PDE10A: variants seen among roughly 807,000 people sequenced by gnomAD.
PDE10A encodes the protein phosphodiesterase 10A.
In PDE10A, 39 loss-of-function variants were observed where a neutral mutation model predicts 97.7. The observed-to-expected ratio is 0.40, with a 90% CI of 0.31 to 0.52. The LOEUF (loss-of-function observed/expected upper bound fraction) is 0.52. PDE10A is among the 20% of genes least tolerant of loss of function. PDE10A has a pLI of 0.56. For synonymous variants in PDE10A, 371 were observed against 376.8 expected (o/e 0.98, Z 0.18); for missense variants, 731 against 1,047.8 (o/e 0.70, Z 4.17).
intron 1 of PDE10A, among the ~76,000 whole-genome samples, chr6:165,702,130 C>T (rs147277482): frequency 1.3e-5 from 2 of 152,324 alleles, no homozygotes; most frequent in African/African-American, 4.8e-5. Flanking sequence ...AAGGGTGGTG[C>T]CACCTCATCG....
At chr6:165,508,061 T>C (rs73786618) in intron 2 of PDE10A, among the ~76,000 whole-genome samples, 5,449 of 152,148 alleles carry the variant, frequency 0.036, 344 homozygotes, top group African/African-American at 0.13. Flanking sequence ...CCATTACTTG[T>C]ATTTTCAAAA....
rs576631540 is a variant in PDE10A, at chr6:165,860,374, C to A, written c.-615+127155G>T. ...AGGCTGAGGCAGGAGAATCGCTGAA[C>A]CCGGGAGGCAGAGGTTGCGGTGAGC... On this transcript the variant is annotated intron_variant, in intron 1 of 19. Coordinates refer to the PDE10A transcript ENST00000366882. 9.3e-4 allele frequency among the ~76,000 whole-genome samples: 141 copies of A among 152,260 alleles called. 1 individual carries two copies. Among genetic ancestry groups the A allele is most frequent in the Middle Eastern group, 6.8e-3 (2 of 294 alleles).
At chr6:165,946,811 G>T (rs1481651644) in intron 1 of PDE10A, 1 of 152,136 alleles carries the variant, frequency 6.6e-6, no homozygotes, top group Non-Finnish European at 1.5e-5. Context: ...AGAAATTAGT[G>T]CAGGAAACAC....
chr6:165,368,999 C>A (rs913318323), intron 18 of PDE10A, among the ~76,000 whole-genome samples: 4 of 152,264 alleles, frequency 2.6e-5, no homozygotes, highest in Admixed American at 6.5e-5. Context: ...CAAACTCCAA[C>A]AGACCTGCAG....
intron 1 of PDE10A, among the ~76,000 whole-genome samples, chr6:165,943,221 A>AGG (rs1583319389): frequency 1.7e-3 from 140 of 81,784 alleles, no homozygotes; most frequent in African/African-American, 3.6e-3. Context: ...GAAAGAAAGA[A>AGG]AGAAAGAAAG....
chr6:165,462,933 C>T (rs1755401798), intron 3 of PDE10A, among the ~76,000 whole-genome samples: 1 of 152,210 alleles, frequency 6.6e-6, no homozygotes, highest in Non-Finnish European at 1.5e-5. Context: ...AAATCTGCTA[C>T]TATAATTGAG....
At chr6:165,517,257 A>G (rs1316706869) in intron 2 of PDE10A, among the ~76,000 whole-genome samples, 1 of 152,204 alleles carries the variant, frequency 6.6e-6, no homozygotes, top group Non-Finnish European at 1.5e-5. Flanking sequence ...TATGAAATAG[A>G]TGACATTTTT....
chr6:165,761,726 A>C (rs1387762381), intron 1 of PDE10A, among the ~76,000 whole-genome samples: 1 of 152,064 alleles, frequency 6.6e-6, no homozygotes. Context: ...TTAAATGAAA[A>C]TTTATTATAT....
rs1783637930 is a variant in PDE10A, at chr6:165,943,315, G to GAA, written c.-615+44212_-615+44213dup. ...AGAAGGAAAGAAAGAAAGAAGGAAG[G>GAA]AAGGAAAGAAAGAAAAAGAAAGAAA... On this transcript the variant is annotated intron_variant, in intron 1 of 19. Coordinates refer to the PDE10A transcript ENST00000366882. 1.2e-3 allele frequency among the ~76,000 whole-genome samples: 106 copies of GAA among 86,798 alleles called. 7 individuals carry two copies. The highest frequency in any genetic ancestry group is 1.5e-3 in the African/African-American group (32 of 20,998). 56.9% of individuals were successfully genotyped at this position (86,798 alleles called of 152,430 possible).
chr6:165,789,652 G>A (rs1778593950), intron 1 of PDE10A, among the ~76,000 whole-genome samples: 1 of 152,318 alleles, frequency 6.6e-6, no homozygotes, highest in African/African-American at 2.4e-5. Context: ...CCAGAAGAAT[G>A]GGTTTTCCCA....
chr6:165,552,432 T>C (rs898981297), intron 1 of PDE10A, among the ~76,000 whole-genome samples: 12 of 152,064 alleles, frequency 7.9e-5, no homozygotes, highest in African/African-American at 2.9e-4. Context: ...CTAGACTGTT[T>C]GTGCATTTGT....
intron 1 of PDE10A, among the ~76,000 whole-genome samples, chr6:165,756,103 A>G (rs1793111775): frequency 6.6e-6 from 1 of 152,200 alleles, no homozygotes; most frequent in Admixed American, 6.5e-5. Flanking sequence ...GGGAAACATC[A>G]AAGATTAATT....
At chr6:165,496,753 C>T (rs1266166849) in intron 2 of PDE10A, among the ~76,000 whole-genome samples, 14 of 152,162 alleles carry the variant, frequency 9.2e-5, no homozygotes, top group Non-Finnish European at 2.9e-5. Context: ...ATTTTGCATA[C>T]AGAACATTTT....
chr6:165,333,140 GA>G lies in PDE10A; in HGVS notation c.3066-14del. The G allele has an allele frequency of 6.8e-7, 1 of 1,460,926 alleles. No homozygotes were observed. Among genetic ancestry groups the G allele is most frequent in the Non-Finnish European group, 9.6e-7 (1 of 1,039,740 alleles). The allele number at this position is 1,460,926 out of a possible 1,614,324, so 90.5% of individuals were successfully genotyped here. A position where few individuals can be genotyped will look rare whatever the true frequency, so the allele number is the denominator to read the frequency against. Reference sequence around the variant, plus strand: ...ACTGAGATTATCCCTAGGGATAAAAGATGCAGTTTCAGGAGAAGCTGAATAA... The same window carrying G: ...ACTGAGATTATCCCTAGGGATAAAAGTGCAGTTTCAGGAGAAGCTGAATAA... On this transcript the variant is annotated splice_polypyrimidine_tract_variant and intron_variant, in intron 21 of 21. Coordinates refer to ENST00000539869, the MANE Select transcript of PDE10A (RefSeq NM_001385079.1).
intron 1 of PDE10A, among the ~76,000 whole-genome samples, chr6:165,910,209 G>T (rs888248133): frequency 6.6e-6 from 1 of 152,110 alleles, no homozygotes; most frequent in East Asian, 1.9e-4. Flanking sequence ...AGATGGGGCC[G>T]ACCAGTGTTA....
chr6:165,728,229 A>G (rs1304100249), intron 1 of PDE10A, among the ~76,000 whole-genome samples: 1 of 152,188 alleles, frequency 6.6e-6, no homozygotes, highest in Non-Finnish European at 1.5e-5. Flanking sequence ...GCCCTTGGGT[A>G]AACATCGGGA....
chr6:165,659,464 G>A (rs1190953302), intron 1 of PDE10A, among the ~76,000 whole-genome samples: 3 of 152,198 alleles, frequency 2.0e-5, no homozygotes, highest in Non-Finnish European at 4.4e-5. Flanking sequence ...GGCAGCAACA[G>A]ACAGAAACAA....
chr6:165,365,936 TA>T (rs950450709), intron 18 of PDE10A, among the ~76,000 whole-genome samples: 52 of 152,082 alleles, frequency 3.4e-4, no homozygotes, highest in Non-Finnish European at 6.0e-4. Flanking sequence ...GCAAATATGC[TA>T]AAAAAGAAAA....
intron 1 of PDE10A, among the ~76,000 whole-genome samples, chr6:165,893,635 C>T (rs1257131882): frequency 1.3e-5 from 2 of 152,180 alleles, no homozygotes; most frequent in Non-Finnish European, 2.9e-5. Context: ...GCAGCTAGGC[C>T]TCTGGTCACC....
Sources: allele counts gnomAD v4.1 joint callset (sites outside exome capture counted in the v4.1 genomes callset), GRCh38; gene constraint gnomAD v4.1.1; transcripts MANE v1.5; gene names NCBI Gene and HGNC (gene_info 2026-07-23, HGNC 2026-07-21).